The following RIMS1 variants were observed in gnomAD, a reference collection of about 807,000 sequenced individuals.
The protein encoded by RIMS1 is regulating synaptic membrane exocytosis 1, also known as regulating synaptic membrane exocytosis protein 1.
RIMS1 carries 83 observed loss-of-function variants against 214.1 expected under a neutral mutation model. The ratio of observed to expected loss-of-function variants is 0.39; its 90% CI spans 0.32 to 0.47. The LOEUF (loss-of-function observed/expected upper bound fraction) is 0.47. Among genes scored for constraint, RIMS1 ranks in the 20% least tolerant of loss-of-function variants. The probability of loss-of-function intolerance (pLI) is 0.99; values close to 1 mark genes in which losing one functional copy is unlikely to be tolerated. For missense variants in RIMS1, 2,050 were observed against 2,161.8 expected, an observed-to-expected ratio of 0.95 and a Z score of 1.03; for synonymous variants, 793 against 786.8, an observed-to-expected ratio of 1.01 and a Z score of -0.13.
At chr6:72,340,542 A>G (rs2097032552) in intron 29 of RIMS1, among the ~76,000 whole-genome samples, 1 of 152,036 alleles carries the variant, frequency 6.6e-6, no homozygotes. Context: ...TAAATAGGGA[A>G]TCCTTTCCCC....
intron 23 of RIMS1, among the ~76,000 whole-genome samples, chr6:72,280,414 G>A (rs558261987): frequency 8.6e-5 from 13 of 151,986 alleles, no homozygotes; most frequent in African/African-American, 3.1e-4. Context: ...TCTAAGACAT[G>A]GCTGTGTTAA....
intron 1 of RIMS1, among the ~76,000 whole-genome samples, chr6:71,941,099 G>A (rs1285551584): frequency 1.3e-5 from 2 of 152,008 alleles, no homozygotes; most frequent in Admixed American, 6.5e-5. Context: ...CTTATATCAT[G>A]ATGTATCAAT....
At chr6:72,089,084 T>C (rs866731303) in intron 2 of RIMS1, among the ~76,000 whole-genome samples, 1 of 152,054 alleles carries the variant, frequency 6.6e-6, no homozygotes, top group African/African-American at 2.4e-5. Flanking sequence ...GATTAGAGGA[T>C]TGTAGCTGAA....
chr6:72,091,701 GA>G (rs1011099096), intron 2 of RIMS1, among the ~76,000 whole-genome samples: 3 of 151,418 alleles, frequency 2.0e-5, no homozygotes, highest in Admixed American at 6.6e-5. Context: ...GTGAAACAAT[GA>G]AAAAAAACAG....
chr6:72,247,156 TGAA>T (rs2070356288), intron 11 of RIMS1, among the ~76,000 whole-genome samples: 1 of 152,090 alleles, frequency 6.6e-6, no homozygotes, highest in Non-Finnish European at 1.5e-5. Context: ...CTTGGAACAG[TGAA>T]GAACTCCACC....
At chr6:72,081,631 G>A (rs569763487) in intron 2 of RIMS1, among the ~76,000 whole-genome samples, 1 of 152,076 alleles carries the variant, frequency 6.6e-6, no homozygotes, top group Non-Finnish European at 1.5e-5. Flanking sequence ...TGGCTGGTGA[G>A]GGTAGAAGAG....
chr6:72,329,364 A>G (rs1367044270), intron 28 of RIMS1, among the ~76,000 whole-genome samples: 1 of 151,838 alleles, frequency 6.6e-6, no homozygotes, highest in Non-Finnish European at 1.5e-5. Context: ...AAGATGATCC[A>G]AGAAACCCTT....
intron 28 of RIMS1, among the ~76,000 whole-genome samples, chr6:72,319,131 G>A (rs2154307798): frequency 6.6e-6 from 1 of 152,202 alleles, no homozygotes; most frequent in East Asian, 1.9e-4. Flanking sequence ...TGGCCCTAGA[G>A]ACTTTATCCC....
At chr6:72,098,219 G>A (rs1314555191) in intron 3 of RIMS1, among the ~76,000 whole-genome samples, 1 of 151,752 alleles carries the variant, frequency 6.6e-6, no homozygotes, top group Non-Finnish European at 1.5e-5. Flanking sequence ...TAGTAGTCTA[G>A]TTGAGTTACA....
At chr6:72,137,698 A>C (rs1414578026) in intron 4 of RIMS1, among the ~76,000 whole-genome samples, 2 of 149,176 alleles carry the variant, frequency 1.3e-5, no homozygotes, top group Non-Finnish European at 3.0e-5. Context: ...TAAAATTAAG[A>C]TGCAAAGTTG....
intron 2 of RIMS1, among the ~76,000 whole-genome samples, chr6:72,016,298 G>A (rs1341056987): frequency 6.6e-6 from 1 of 151,892 alleles, no homozygotes; most frequent in Non-Finnish European, 1.5e-5. Flanking sequence ...GGGTAGTATT[G>A]TTTTTTACTC....
At chr6:72,106,287 AAATC>A (rs1259429535) in intron 4 of RIMS1, among the ~76,000 whole-genome samples, 2 of 152,180 alleles carry the variant, frequency 1.3e-5, no homozygotes, top group Non-Finnish European at 2.9e-5. Context: ...ATTTTTATAA[AAATC>A]AATCAAGTTG....
At chr6:71,901,901 A>G (rs1773748410) in intron 1 of RIMS1, among the ~76,000 whole-genome samples, 1 of 152,092 alleles carries the variant, frequency 6.6e-6, no homozygotes, top group African/African-American at 2.4e-5. Flanking sequence ...TTTTCTACAA[A>G]TTTATGGGGT....
intron 1 of RIMS1, among the ~76,000 whole-genome samples, chr6:71,926,743 A>G (rs753854179): frequency 2.0e-5 from 3 of 152,244 alleles, no homozygotes; most frequent in African/African-American, 4.8e-5. Flanking sequence ...AGTTAACACC[A>G]GCCTAGTAAC....
At chr6:72,068,550 T>C (rs1420987868) in intron 2 of RIMS1, among the ~76,000 whole-genome samples, 1 of 151,980 alleles carries the variant, frequency 6.6e-6, no homozygotes, top group Non-Finnish European at 1.5e-5. Flanking sequence ...TTCAAAGCTA[T>C]GAGAAGATTG....
At chr6:72,065,060 A>C (rs1339736754) in intron 2 of RIMS1, among the ~76,000 whole-genome samples, 1 of 152,218 alleles carries the variant, frequency 6.6e-6, no homozygotes, top group Non-Finnish European at 1.5e-5. Context: ...TGTTAATCTA[A>C]ATTATGGTGA....
chr6:71,953,761 C>T (rs12216514), intron 1 of RIMS1, among the ~76,000 whole-genome samples: 14,573 of 152,172 alleles, frequency 0.096, 1,001 homozygotes, highest in East Asian at 0.28. Context: ...CCACTTAGGG[C>T]TGAGTTTTCA....
At chr6:72,242,117 AAAAC>A (rs1467517277) in intron 9 of RIMS1, among the ~76,000 whole-genome samples, 193 bp from the exon 10 acceptor site, 1 of 152,116 alleles carries the variant, frequency 6.6e-6, no homozygotes, top group Non-Finnish European at 1.5e-5. Context: ...GAAAAAAAGA[AAAAC>A]AAAAGAAAAG....
chr6:72,354,077 G>A (rs986225163), intron 29 of RIMS1, among the ~76,000 whole-genome samples: 7 of 152,058 alleles, frequency 4.6e-5, no homozygotes, highest in African/African-American at 7.2e-5. Context: ...AAAATTAGCC[G>A]GGCGTGGTGG....
Sources: gnomAD v4.1 joint callset for allele counts (sites outside exome capture counted in the v4.1 genomes callset) on GRCh38, gnomAD v4.1.1 for gene constraint, MANE v1.5 for transcripts, NCBI Gene and HGNC (gene_info 2026-07-23, HGNC 2026-07-21) for gene names.